Variants in PCOLCE2 observed in about 807,000 individuals in gnomAD.
PCOLCE2 encodes the protein procollagen C-proteinase enhancer 2.
PCOLCE2 carries 42 observed loss-of-function variants against 47.0 expected under a neutral mutation model. The ratio of observed to expected loss-of-function variants is 0.89; its 90% confidence interval spans 0.70 to 1.16. The LOEUF is 1.16. Ranked by LOEUF, PCOLCE2 falls within the 50% of genes most tolerant of loss-of-function variation. The probability of loss-of-function intolerance (pLI) is 0.00; values close to 1 mark genes in which losing one functional copy is unlikely to be tolerated. For synonymous variants in PCOLCE2, 169 were observed against 191.7 expected, an observed-to-expected ratio of 0.88 and a Z score of 0.98; for missense variants, 500 against 526.1, an observed-to-expected ratio of 0.95 and a Z score of 0.49.
At position 142,869,164 on chromosome 3, in the gene PCOLCE2, G is replaced by A. The variant is rs576171207; in HGVS notation, c.192+18505C>T. 8.5e-4 allele frequency among the ~76,000 whole-genome samples: 130 copies of A among 152,144 alleles called. 1 individual carries two copies. Among genetic ancestry groups the A allele is most frequent in the African/African-American group, 3.0e-3 (126 of 41,524 alleles). ...AAATTAGCCGGGCGTGGTGGCGGGC[G>A]CCTGTAGTCCCAGCTACTCGGGAGG... is the stretch of plus-strand genomic sequence containing the variant. On this transcript the variant is annotated intron_variant, in intron 2 of 8. Coordinates refer to ENST00000295992, the MANE Select transcript of PCOLCE2 (RefSeq NM_013363.4).
chr3:142,873,006 T>C (rs1312054914), intron 2 of PCOLCE2, among the ~76,000 whole-genome samples: 1 of 152,236 alleles, frequency 6.6e-6, no homozygotes, highest in African/African-American at 2.4e-5. Flanking sequence ...TAGTTCAATA[T>C]TCAATTCTAT....
chr3:142,842,512 C>T lies in PCOLCE2; in HGVS notation c.573+412G>A, dbSNP rs111388620. On this transcript the variant is annotated intron_variant, in intron 4 of 8. Coordinates refer to ENST00000295992, the MANE Select transcript of PCOLCE2 (RefSeq NM_013363.4). The surrounding 1 kb of genome is among the most constrained non-coding windows in gnomAD (Gnocchi z 4.1). Reference sequence around the variant, plus strand: ...CAGCATTTTGGGAGGCTAAGGCAGACGGATCTCCTGAGGCCGGGAGTTTGA... The same window carrying T: ...CAGCATTTTGGGAGGCTAAGGCAGATGGATCTCCTGAGGCCGGGAGTTTGA... Among the ~76,000 whole-genome samples, 3 of 152,172 alleles carry T rather than the reference C, an allele frequency of 2.0e-5. No individual in the cohort carries two copies. The highest frequency in any genetic ancestry group is 4.8e-5 in the African/African-American group (2 of 41,514).
rs576396370 is a variant in PCOLCE2 at position 142,859,944 on chromosome 3, T to C, written c.193-11472A>G. ...GAAAGCACATTTAAAACAGAACAGA[T>C]GTATATGTGAGCATCCAATGTTCTC... On this transcript the variant is annotated intron_variant, in intron 2 of 8. Transcript: ENST00000295992. 1.2e-3 allele frequency among the ~76,000 whole-genome samples: 178 copies of C among 152,292 alleles called. 1 individual carries two copies. The highest frequency in any genetic ancestry group is 4.2e-3 in the African/African-American group (174 of 41,576).
intron 2 of PCOLCE2, among the ~76,000 whole-genome samples, chr3:142,874,453 C>T: frequency 6.6e-6 from 1 of 152,192 alleles, no homozygotes; most frequent in South Asian, 2.1e-4. Context: ...CTTCACCTTC[C>T]ACCATGATTG....
At chr3:142,849,557 A>G (rs1937367316) in intron 2 of PCOLCE2, among the ~76,000 whole-genome samples, 1 of 152,206 alleles carries the variant, frequency 6.6e-6, no homozygotes, top group African/African-American at 2.4e-5. Flanking sequence ...AATGGCTATA[A>G]AAGCATTTGG....
At chr3:142,864,885 A>AT (rs1560138973) in intron 2 of PCOLCE2, among the ~76,000 whole-genome samples, 2 of 152,144 alleles carry the variant, frequency 1.3e-5, no homozygotes, top group Admixed American at 1.3e-4. Flanking sequence ...TATGCCACAT[A>AT]TTTATCCATT....
At chr3:142,823,722 C>A in intron 6 of PCOLCE2, 107 bp from the exon 7 acceptor site, 2 of 670,772 alleles carry the variant, frequency 3.0e-6, no homozygotes, top group East Asian at 2.6e-5. Flanking sequence ...CCTGAGCCAC[C>A]AATCTATCAC....
At position 142,829,861 on chromosome 3, in the gene PCOLCE2, A is replaced by AC; in HGVS notation, c.711-16_711-15insG. On this transcript the variant is annotated splice_polypyrimidine_tract_variant and intron_variant, in intron 5 of 8. Transcript: ENST00000295992. ...ACACAATTGGCCTAAAAAAAGAAAAATGTGTTTTTTTATAAATACTTAAAA... is the reference window on the plus strand; with the variant it reads ...ACACAATTGGCCTAAAAAAAGAAAAACTGTGTTTTTTTATAAATACTTAAAA... The AC allele has an allele frequency of 6.7e-7, 1 of 1,501,370 alleles. No homozygotes were observed. Among genetic ancestry groups the AC allele is most frequent in the South Asian group, 1.3e-5 (1 of 78,376 alleles). The allele number at this position is 1,501,370 out of a possible 1,614,324, so 93.0% of individuals were successfully genotyped here. A position where few individuals can be genotyped will look rare whatever the true frequency, so the allele number is the denominator to read the frequency against.
intron 2 of PCOLCE2, among the ~76,000 whole-genome samples, chr3:142,884,133 G>C (rs1933678549): frequency 6.6e-6 from 1 of 152,128 alleles, no homozygotes; most frequent in African/African-American, 2.4e-5. Context: ...TTCTTTTATG[G>C]ATCTCAGAGA....
chr3:142,820,072 T>C (rs1936995035), intron 8 of PCOLCE2, among the ~76,000 whole-genome samples: 1 of 152,064 alleles, frequency 6.6e-6, no homozygotes, highest in Admixed American at 6.6e-5. Flanking sequence ...ATGCCCATGC[T>C]TTATGTGGAT....
rs1937234029 is a variant in PCOLCE2 at position 142,838,863 on chromosome 3, T to C, written c.617A>G (p.Asn206Ser). Residue 206 changes from asparagine to serine, a missense_variant, in exon 5 of 9, where the codon AAC becomes AGC. Physicochemically the swap from Asn to Ser is conservative, Grantham distance 46 (BLOSUM62 1). Coordinates refer to ENST00000295992, the MANE Select transcript of PCOLCE2 (RefSeq NM_013363.4). ...AGCCACATAATCATATCGGCAGTAG[T>C]TATCTCGCTCCACATCAAACTTCTC... ...KFEKFDVERD[N>S]YCRYDYVAVF... 1 of 1,613,096 alleles carries C rather than the reference T, an allele frequency of 6.2e-7. No homozygotes were observed.
chr3:142,827,771 G>T, intron 6 of PCOLCE2: 2 of 659,198 alleles, frequency 3.0e-6, no homozygotes, highest in South Asian at 1.8e-5. Context: ...TTTTAGTCTG[G>T]GGACCCGTGT....
At chr3:142,882,098 T>A (rs1933633204) in intron 2 of PCOLCE2, among the ~76,000 whole-genome samples, 1 of 151,630 alleles carries the variant, frequency 6.6e-6, no homozygotes, top group South Asian at 2.1e-4. Context: ...GGCACAATCA[T>A]AGCTCACTGC....
rs1022518736 is a variant in PCOLCE2 at position 142,843,109 on chromosome 3, A to T, written c.449-61T>A. 2.6e-6 allele frequency: 4 copies of T among 1,525,084 alleles called. No individual in the cohort carries two copies. In the African/African-American group the frequency reaches 5.5e-5, roughly 21 times the overall value. 94.5% of individuals were successfully genotyped at this position (1,525,084 alleles called of 1,614,324 possible). A position where few individuals can be genotyped will look rare whatever the true frequency, so the allele number is the denominator to read the frequency against. On this transcript the variant is annotated intron_variant, in intron 3 of 8. Coordinates refer to ENST00000295992, the MANE Select transcript of PCOLCE2 (RefSeq NM_013363.4). ...TTATGTAGGTTACAGCAATACAACC[A>T]TGTGGAGATTAGGAATGTGGGATCT...
At chr3:142,876,004 T>C (rs891354586) in intron 2 of PCOLCE2, among the ~76,000 whole-genome samples, 5 of 152,230 alleles carry the variant, frequency 3.3e-5, no homozygotes, top group Non-Finnish European at 7.3e-5. Flanking sequence ...TACTGTCTGC[T>C]GCCACATAAT....
At position 142,889,056 on chromosome 3, in the gene PCOLCE2, C is replaced by T. The variant is rs113839945; in HGVS notation, c.-160G>A. Reference sequence around the variant, plus strand: ...GCTCCCTCTCACGCGCGCACCGCCGCGGGGCGGCCCAGGTAGCCGGGGGAT... The same window carrying T: ...GCTCCCTCTCACGCGCGCACCGCCGTGGGGCGGCCCAGGTAGCCGGGGGAT... On this transcript the variant is annotated 5_prime_UTR_variant, in exon 1 of 9. Transcript: ENST00000295992. 2.8e-5 allele frequency: 11 copies of T among 388,992 alleles called. No individual in the cohort carries two copies. Among genetic ancestry groups the T allele is most frequent in the Non-Finnish European group, 5.0e-5 (11 of 220,414 alleles). 24.1% of individuals were successfully genotyped at this position (388,992 alleles called of 1,614,324 possible).
In PCOLCE2 at chr3:142,834,987, A is replaced by T. The variant is rs145102428; in HGVS notation, c.710+3783T>A. Among the ~76,000 whole-genome samples, 19 of 152,106 alleles carry T rather than the reference A, an allele frequency of 1.2e-4. No individual in the cohort carries two copies. The East Asian group carries it at 3.3e-3, about 26-fold the overall frequency. ...AAATTTCTTTAGTGATCATTTGGCA[A>T]ATATGGCTTTTTCTTTCTCCTGTGT... On this transcript the variant is annotated intron_variant, in intron 5 of 8. Transcript: ENST00000295992.
chr3:142,818,274 A>T lies in PCOLCE2; in HGVS notation c.*61T>A. On this transcript the variant is annotated 3_prime_UTR_variant, in exon 9 of 9. Transcript: ENST00000295992. ...TTTATAAGTATTTTTTTTTCTACTG[A>T]GAGAACATAGATCTTTCAAAGGCAA... 4 of 1,443,808 alleles carry T rather than the reference A, an allele frequency of 2.8e-6. No individual in the cohort carries two copies. In the Admixed American group the frequency reaches 5.6e-5, roughly 20 times the overall value. 89.4% of individuals were successfully genotyped at this position (1,443,808 alleles called of 1,614,324 possible).
chr3:142,881,809 G>T (rs1411998542), intron 2 of PCOLCE2, among the ~76,000 whole-genome samples: 2 of 152,196 alleles, frequency 1.3e-5, no homozygotes, highest in African/African-American at 4.8e-5. Context: ...CAGAAAAACA[G>T]ATGTAATTAT....
Sources: allele counts gnomAD v4.1 joint callset (sites outside exome capture counted in the v4.1 genomes callset), GRCh38; gene constraint gnomAD v4.1.1; non-coding constraint Gnocchi (gnomAD v3.1); transcripts MANE v1.5; gene names NCBI Gene and HGNC (gene_info 2026-07-23, HGNC 2026-07-21).